Variants in TBX15 observed in about 807,000 individuals in gnomAD.
TBX15 encodes T-box transcription factor TBX15.
A neutral mutation model predicts 53.9 loss-of-function variants in TBX15; 18 were observed. The ratio of observed to expected loss-of-function variants is 0.33; its 90% confidence interval spans 0.23 to 0.49. The LOEUF (loss-of-function observed/expected upper bound fraction) is 0.49. TBX15 is among the 20% of genes least tolerant of loss of function. The probability of loss-of-function intolerance (pLI) is 0.98; values close to 1 mark genes in which losing one functional copy is unlikely to be tolerated. For synonymous variants in TBX15, 295 were observed against 278.0 expected, an observed-to-expected ratio of 1.06 and a Z score of -0.61; for missense variants, 692 against 749.5, an observed-to-expected ratio of 0.92 and a Z score of 0.90.
In TBX15 at chr1:118,923,595, C is replaced by T. The variant is rs775565793; in HGVS notation, c.702G>A (p.Leu234=). The T allele has an allele frequency of 1.5e-5, 24 of 1,613,738 alleles. No individual in the cohort carries two copies. The African/African-American group carries it at 2.4e-4, about 16-fold the overall frequency. The change falls in exon 5 of 8, where the codon CTG becomes CTA. Residue 234 remains leucine (L), a synonymous_variant. Transcript: ENST00000369429. The part of the protein sequence containing the change: ...NELDDQGHII[L]HSMHKYQPRV... ...GAGGCTGGTATTTGTGCATAGAGTGCAGAATGATCTGAAATAAAAAGGGGA... is the reference window on the plus strand; with the variant it reads ...GAGGCTGGTATTTGTGCATAGAGTGTAGAATGATCTGAAATAAAAAGGGGA...
chr1:118,975,885 G>T (rs1196737305), intron 1 of TBX15, among the ~76,000 whole-genome samples: 1 of 152,172 alleles, frequency 6.6e-6, no homozygotes, highest in Non-Finnish European at 1.5e-5. Context: ...CTGAGACCTG[G>T]CTTCCAGAAG....
intron 1 of TBX15, among the ~76,000 whole-genome samples, chr1:118,981,757 CTTAAA>C (rs1657661510): frequency 6.6e-6 from 1 of 152,202 alleles, no homozygotes; most frequent in African/African-American, 2.4e-5. Flanking sequence ...AAGGGCCTCA[CTTAAA>C]TTAACTAATG....
In TBX15 at chr1:118,884,633, C is replaced by T; in HGVS notation, c.*99G>A. 2 of 1,194,620 alleles carry T rather than the reference C, an allele frequency of 1.7e-6. No homozygotes were observed. The highest frequency in any genetic ancestry group is 2.4e-6 in the Non-Finnish European group (2 of 837,232). The allele number at this position is 1,194,620 out of a possible 1,614,324, so 74.0% of individuals were successfully genotyped here. A position where few individuals can be genotyped will look rare whatever the true frequency, so the allele number is the denominator to read the frequency against. ...AAAAAAAAAAAAAAAAAACACGGTT[C>T]CTGTTTTTCAAAGACACTGGACTCC... On this transcript the variant is annotated 3_prime_UTR_variant, in exon 8 of 8. Transcript: ENST00000369429.
chr1:118,955,507 C>T (rs1656660257), intron 1 of TBX15, among the ~76,000 whole-genome samples: 1 of 152,132 alleles, frequency 6.6e-6, no homozygotes, highest in African/African-American at 2.4e-5. Flanking sequence ...GCTCCCAAGG[C>T]TTTTACAATC....
intron 2 of TBX15, 29 bp downstream of exon 2, chr1:118,931,590 T>C: frequency 6.2e-7 from 1 of 1,611,762 alleles, no homozygotes; most frequent in Non-Finnish European, 8.5e-7. Context: ...ATTCTTTGAA[T>C]CTGGCCACTC....
intron 1 of TBX15, among the ~76,000 whole-genome samples, chr1:118,940,477 G>C (rs1207192921): frequency 6.6e-6 from 1 of 151,854 alleles, no homozygotes; most frequent in African/African-American, 2.4e-5. Flanking sequence ...TTTGGGCTTT[G>C]AGAAATTTTT....
intron 1 of TBX15, among the ~76,000 whole-genome samples, chr1:118,961,783 T>C (rs1656884847): frequency 6.6e-6 from 1 of 152,184 alleles, no homozygotes; most frequent in Admixed American, 6.5e-5. Context: ...CCTGGGGGAC[T>C]CTCTGGTGAG....
chr1:118,973,455 A>G (rs988341052), intron 1 of TBX15, among the ~76,000 whole-genome samples: 5 of 152,086 alleles, frequency 3.3e-5, no homozygotes, highest in African/African-American at 4.8e-5. Context: ...GGGCAAAAAA[A>G]AAAAGCCCTC....
intron 1 of TBX15, among the ~76,000 whole-genome samples, chr1:118,933,463 C>A (rs1296650705): frequency 2.0e-5 from 3 of 146,396 alleles, no homozygotes; most frequent in African/African-American, 2.6e-5. Context: ...CCCCCACCCA[C>A]AAAAAAAAAA....
chr1:118,936,656 CAA>C (rs1335595279), intron 1 of TBX15, among the ~76,000 whole-genome samples: 1 of 152,130 alleles, frequency 6.6e-6, no homozygotes, highest in Non-Finnish European at 1.5e-5. Context: ...AGAACTAACA[CAA>C]AGAGTTAATG....
chr1:118,945,677 AT>A (rs961372124), intron 1 of TBX15, among the ~76,000 whole-genome samples: 31 of 151,978 alleles, frequency 2.0e-4, no homozygotes, highest in African/African-American at 7.0e-4. Flanking sequence ...TTCAAGGATT[AT>A]TTTCCCCCCC....
intron 6 of TBX15, among the ~76,000 whole-genome samples, chr1:118,903,015 A>G (rs1194816011): frequency 6.6e-6 from 1 of 152,162 alleles, no homozygotes; most frequent in Non-Finnish European, 1.5e-5. Flanking sequence ...TGAACAGCAG[A>G]GACCTGATGT....
chr1:118,933,988 C>G (rs1044167318), intron 1 of TBX15, among the ~76,000 whole-genome samples: 3 of 152,066 alleles, frequency 2.0e-5, no homozygotes, highest in African/African-American at 7.2e-5. Context: ...AAAGGTATCA[C>G]TACACTAAGA....
intron 7 of TBX15, among the ~76,000 whole-genome samples, chr1:118,890,004 C>G (rs1353104099): frequency 6.6e-6 from 1 of 152,140 alleles, no homozygotes; most frequent in East Asian, 1.9e-4. Context: ...AACTTGGGTT[C>G]TAATGAGAAT....
chr1:118,898,944 G>C, intron 7 of TBX15, 84 bp downstream of exon 7: 1 of 1,375,698 alleles, frequency 7.3e-7, no homozygotes, highest in Non-Finnish European at 1.0e-6. Context: ...ATCTTGGCCT[G>C]AGGCCAGATG....
chr1:118,934,951 A>G (rs1655917437), intron 1 of TBX15, among the ~76,000 whole-genome samples: 1 of 152,230 alleles, frequency 6.6e-6, no homozygotes, highest in Non-Finnish European at 1.5e-5. Flanking sequence ...AACAGCCCAC[A>G]TGTTCAATAA....
At chr1:118,938,437 C>T (rs1656036800) in intron 1 of TBX15, among the ~76,000 whole-genome samples, 1 of 152,178 alleles carries the variant, frequency 6.6e-6, no homozygotes, top group Non-Finnish European at 1.5e-5. Context: ...CAAAGTCATC[C>T]TGAGAACAAA....
chr1:118,974,612 C>A (rs1311871303), intron 1 of TBX15, among the ~76,000 whole-genome samples: 1 of 152,182 alleles, frequency 6.6e-6, no homozygotes, highest in Non-Finnish European at 1.5e-5. Flanking sequence ...AAACTCACTG[C>A]TGGCATCTCA....
At chr1:118,933,488 A>G (rs1224740358) in intron 1 of TBX15, among the ~76,000 whole-genome samples, 1 of 141,534 alleles carries the variant, frequency 7.1e-6, no homozygotes, top group Non-Finnish European at 1.6e-5. Flanking sequence ...ATAAAGTTTT[A>G]TAACTAGGTT....
Sources: gnomAD v4.1 joint callset for allele counts (sites outside exome capture counted in the v4.1 genomes callset) on GRCh38, gnomAD v4.1.1 for gene constraint, MANE v1.5 for transcripts, NCBI Gene and HGNC (gene_info 2026-07-23, HGNC 2026-07-21) for gene names.